ATP10A: variants seen among roughly 807,000 people sequenced by gnomAD.
The protein encoded by ATP10A is phospholipid-transporting ATPase VA.
Under a neutral mutation model 147.8 loss-of-function variants are expected in ATP10A, and 111 were observed. That is an observed-to-expected ratio of 0.75 (90% CI 0.64 to 0.88). The LOEUF is 0.88. Among genes scored for constraint, ATP10A ranks in the 40% least tolerant of loss-of-function variants. ATP10A has a pLI of 0.00. For synonymous variants in ATP10A, 875 were observed against 841.6 expected (o/e 1.04, Z -0.69); for missense variants, 1,927 against 1,959.0 (o/e 0.98, Z 0.31).
intron 1 of ATP10A, among the ~76,000 whole-genome samples, chr15:25,782,180 G>A (rs1428042966): frequency 2.6e-5 from 4 of 152,180 alleles, no homozygotes; most frequent in South Asian, 2.1e-4. Context: ...AACTCTTGCC[G>A]GTTCCACTTA....
rs190980275 is a variant in ATP10A at position 25,749,039 on chromosome 15, G to T, written c.655-12898C>A. On this transcript the variant is annotated intron_variant, in intron 2 of 20. Coordinates refer to ENST00000555815, the MANE Select transcript of ATP10A (RefSeq NM_024490.4). ...GATAGCACCACTGTACTTCAGCCTGGGCAACAGAGTGAGACTCTGTCAAAA... is the reference window on the plus strand; with the variant it reads ...GATAGCACCACTGTACTTCAGCCTGTGCAACAGAGTGAGACTCTGTCAAAA... Among the ~76,000 whole-genome samples the T allele has an allele frequency of 7.6e-3, 1,105 of 146,120 alleles. 9 individuals carry two copies. The highest frequency in any genetic ancestry group is 0.026 in the African/African-American group (1,013 of 39,252).
intron 16 of ATP10A, among the ~76,000 whole-genome samples, chr15:25,684,481 G>A (rs1389542017): frequency 1.3e-5 from 2 of 152,200 alleles, no homozygotes; most frequent in Non-Finnish European, 2.9e-5. Context: ...GAGAGCTATA[G>A]GTGATCGCCT....
At chr15:25,690,232 CTTT>C (rs67257443) in intron 15 of ATP10A, among the ~76,000 whole-genome samples, 4 of 137,122 alleles carry the variant, frequency 2.9e-5, no homozygotes, top group African/African-American at 8.2e-5. Context: ...ATTTTTTTTC[CTTT>C]TTTTTAAAAA....
intron 1 of ATP10A, among the ~76,000 whole-genome samples, chr15:25,845,311 C>T (rs1303237120): frequency 2.4e-5 from 3 of 127,478 alleles, no homozygotes; most frequent in East Asian, 2.7e-4. Context: ...CAGCACGGAC[C>T]GTTTGTGTGT....
chr15:25,695,817 C>G (rs558823867), intron 13 of ATP10A, among the ~76,000 whole-genome samples: 1 of 151,866 alleles, frequency 6.6e-6, no homozygotes, highest in South Asian at 2.1e-4. Context: ...CTTACCTAAC[C>G]CCCCAAGGAC....
intron 6 of ATP10A, among the ~76,000 whole-genome samples, chr15:25,723,180 C>A (rs1902348167): frequency 6.6e-6 from 1 of 152,004 alleles, no homozygotes; most frequent in Admixed American, 6.6e-5. Context: ...GAAACCCCAT[C>A]TCTACCAAAA....
At chr15:25,718,582 T>C (rs1344272915) in intron 7 of ATP10A, among the ~76,000 whole-genome samples, 183 bp from the exon 8 acceptor site, 2 of 151,750 alleles carry the variant, frequency 1.3e-5, no homozygotes, top group Non-Finnish European at 2.9e-5. Context: ...CCTGGGGAGG[T>C]TGATATTCTC....
At chr15:25,782,036 C>T (rs891871221) in intron 1 of ATP10A, among the ~76,000 whole-genome samples, 22 of 152,202 alleles carry the variant, frequency 1.4e-4, no homozygotes, top group African/African-American at 5.1e-4. Context: ...CTCAGAATTG[C>T]TAGGAGGTAG....
chr15:25,842,407 C>A (rs1461531631), intron 1 of ATP10A, among the ~76,000 whole-genome samples: 2 of 152,100 alleles, frequency 1.3e-5, no homozygotes, highest in Non-Finnish European at 1.5e-5. Context: ...TAGTTTCCAG[C>A]GTCCTTTTAC....
intron 10 of ATP10A, chr15:25,709,030 T>A (rs1199828696): frequency 1.3e-5 from 2 of 152,326 alleles, no homozygotes; most frequent in African/African-American, 2.4e-5. Flanking sequence ...GAGACCCTTT[T>A]ACATGCCTGA....
chr15:25,852,315 T>G (rs887801076), intron 1 of ATP10A, among the ~76,000 whole-genome samples: 14 of 152,212 alleles, frequency 9.2e-5, no homozygotes, highest in African/African-American at 3.1e-4. Flanking sequence ...TTATACTCCC[T>G]CCTATTGAAT....
Position 25,726,057 on chromosome 15 carries a change from G to A in ATP10A, c.873C>T (p.Asn291=), listed in dbSNP as rs755590698. Residue 291 remains asparagine (N), a synonymous_variant, in exon 5 of 21, where the codon AAC becomes AAT. Transcript: ENST00000555815. ...TGCGCTTGTAGCGGGGCCCACTGTT[G>A]TTCAGCAGAGCCTTGGTTTCATGTC... ...YAGHETKALL[N]NSGPRYKRSK... is the part of the protein sequence containing the mutation. 7 of 1,613,908 alleles carry A rather than the reference G, an allele frequency of 4.3e-6. No individual in the cohort carries two copies. Among genetic ancestry groups the A allele is most frequent in the Non-Finnish European group, 5.1e-6 (6 of 1,179,964 alleles).
chr15:25,746,807 C>T (rs780867092), intron 2 of ATP10A, among the ~76,000 whole-genome samples: 1 of 152,128 alleles, frequency 6.6e-6, no homozygotes. Context: ...TATCCCTACT[C>T]GGAAACTCCA....
chr15:25,789,535 T>C (rs1177806553), intron 1 of ATP10A, among the ~76,000 whole-genome samples: 1 of 148,578 alleles, frequency 6.7e-6, no homozygotes, highest in Non-Finnish European at 1.5e-5. Context: ...CTTCTTGGAA[T>C]TTATTTTTCA....
chr15:25,829,878 C>T (rs1371457075), intron 1 of ATP10A, among the ~76,000 whole-genome samples: 1 of 152,124 alleles, frequency 6.6e-6, no homozygotes, highest in South Asian at 2.1e-4. Flanking sequence ...ATCTCACTCC[C>T]AGGGAAGGGA....
At chr15:25,713,639 C>G (rs200462488) in intron 10 of ATP10A, 35 bp downstream of exon 10, 1 of 1,597,234 alleles carries the variant, frequency 6.3e-7, no homozygotes, top group South Asian at 1.1e-5. Flanking sequence ...CCTCCTCCCC[C>G]GAGCTGGGGT....
rs559383337 is a variant in ATP10A, at chr15:25,776,862, C to T, written c.654+4157G>A. ...TGACGGACGTCATTCCCTGTAGTGC[C>T]TGGCACCTGAGACCTCTCCATCCTG... On this transcript the variant is annotated intron_variant, in intron 2 of 20. Transcript: ENST00000555815. Among the ~76,000 whole-genome samples the T allele has an allele frequency of 5.9e-5, 9 of 152,270 alleles. No individual in the cohort carries two copies. In the East Asian group the frequency reaches 1.7e-3, roughly 30 times the overall value.
At chr15:25,718,120 G>A in intron 8 of ATP10A, 62 bp downstream of exon 8, 3 of 1,530,990 alleles carry the variant, frequency 2.0e-6, no homozygotes, top group Non-Finnish European at 2.7e-6. Flanking sequence ...TCCATGAGCG[G>A]GGGATGGTGA....
chr15:25,752,703 CAT>C (rs1266831039), intron 2 of ATP10A, among the ~76,000 whole-genome samples: 1 of 152,134 alleles, frequency 6.6e-6, no homozygotes, highest in Non-Finnish European at 1.5e-5. Context: ...TGCAAAAATT[CAT>C]TAGGGTTTTG....
Sources: allele counts gnomAD v4.1 joint callset (sites outside exome capture counted in the v4.1 genomes callset), GRCh38; gene constraint gnomAD v4.1.1; transcripts MANE v1.5; gene names NCBI Gene and HGNC (gene_info 2026-07-23, HGNC 2026-07-21).